Variants in ZDHHC7 observed in about 807,000 individuals in gnomAD.
ZDHHC7 encodes zDHHC palmitoyltransferase 7.
ZDHHC7 carries 12 observed loss-of-function variants against 34.1 expected under a neutral mutation model. The ratio of observed to expected loss-of-function variants is 0.35; its 90% CI spans 0.23 to 0.57. The LOEUF is 0.57. Among genes scored for constraint, ZDHHC7 ranks in the 20% least tolerant of loss-of-function variants. ZDHHC7 has a pLI of 0.84. For synonymous variants in ZDHHC7, 185 were observed against 155.4 expected (o/e 1.19, Z -1.42); for missense variants, 388 against 402.7 (o/e 0.96, Z 0.31).
At chr16:85,026,224 A>C in the ZDHHC7 span, among the ~76,000 whole-genome samples, 1 of 152,208 alleles carries the variant, frequency 6.6e-6, no homozygotes, top group African/African-American at 2.4e-5. Context: ...TGACCCAGGG[A>C]AGGAGTTTAT....
intron 6 of ZDHHC7, among the ~76,000 whole-genome samples, chr16:84,977,721 C>T (rs2072316401): frequency 1.3e-5 from 2 of 152,232 alleles, no homozygotes; most frequent in African/African-American, 2.4e-5. Flanking sequence ...AGCTGACCAG[C>T]AGACAGACAC....
upstream of ZDHHC7, among the ~76,000 whole-genome samples, chr16:85,014,779 G>A (rs909985401): frequency 9.9e-5 from 15 of 152,140 alleles, no homozygotes; most frequent in Non-Finnish European, 2.9e-5. Context: ...CAGCCCCAGG[G>A]GATTCTGAGA....
rs45536337 is a variant in ZDHHC7, at chr16:84,990,217, T to G, written c.315+87A>C. 3.6e-3 allele frequency: 5,288 copies of G among 1,457,734 alleles called. 15 individuals carry two copies. Among genetic ancestry groups the G allele is most frequent in the Non-Finnish European group, 4.6e-3 (4,929 of 1,066,622 alleles). 90.3% of individuals were successfully genotyped at this position (1,457,734 alleles called of 1,614,324 possible). On this transcript the variant is annotated intron_variant, in intron 3 of 7. Transcript: ENST00000313732. The stretch of plus-strand genomic sequence containing the variant: ...CCACACCCATGTCAATATGTCCCTG[T>G]GCACTGCTTCCTCCAAAGGGTCAGC...
Position 84,976,123 on chromosome 16 carries a change from C to T in ZDHHC7, c.*220G>A, listed in dbSNP as rs1210314854. On this transcript the variant is annotated 3_prime_UTR_variant, in exon 8 of 8. Transcript: ENST00000313732. ...AGGAGGCCACGGCGTTTGGCTTCTT[C>T]GTGTGGCCACACACCTTTCCGTTGT... is the stretch of plus-strand genomic sequence containing the variant. 5.1e-6 allele frequency: 3 copies of T among 593,524 alleles called. No homozygotes were observed. The highest frequency in any genetic ancestry group is 5.7e-6 in the Non-Finnish European group (2 of 352,492). 36.8% of individuals were successfully genotyped at this position (593,524 alleles called of 1,614,324 possible).
At chr16:85,007,422 C>CAAAAAAA (rs138373927) in intron 1 of ZDHHC7, among the ~76,000 whole-genome samples, 2 of 85,506 alleles carry the variant, frequency 2.3e-5, no homozygotes, top group Non-Finnish European at 2.4e-5. Context: ...TACTCCATCT[C>CAAAAAAA]AAAAAAAAAA....
rs143906848 is a variant in ZDHHC7, at chr16:84,976,380, G to A, written c.890C>T (p.Thr297Met). 18 of 1,614,126 alleles carry A rather than the reference G, an allele frequency of 1.1e-5. No individual in the cohort carries two copies. The highest frequency in any genetic ancestry group is 2.7e-5 in the African/African-American group (2 of 75,026). Residue 297 changes from threonine (T) to methionine (M), a missense_variant, in exon 8 of 8, where the codon ACG becomes ATG. By Grantham distance (81) the Thr-to-Met change is moderately conservative (BLOSUM62 -1). Coordinates refer to ENST00000313732, the MANE Select transcript of ZDHHC7 (RefSeq NM_017740.3). ...FVGFRFRRLP[T>M]RPRKGGPEFS... ...CTCCGGGCCACCTTTTCTGGGTCTC[G>A]TGGGCAGTCGCCTAAATCGGAAGCC...
intron 3 of ZDHHC7, among the ~76,000 whole-genome samples, chr16:84,985,392 C>T (rs998170479): frequency 1.3e-5 from 2 of 152,250 alleles, no homozygotes; most frequent in African/African-American, 2.4e-5. Flanking sequence ...TCCCCAGGGC[C>T]TAACTAAGCG....
At chr16:85,018,257 G>A in the ZDHHC7 span, among the ~76,000 whole-genome samples, 1 of 152,120 alleles carries the variant, frequency 6.6e-6, no homozygotes, top group Non-Finnish European at 1.5e-5. Context: ...ACACAAAAGA[G>A]TACATGCAAT....
In ZDHHC7 at chr16:84,979,302, G is replaced by T. The variant is rs1271093127; in HGVS notation, c.441-17C>A. 1 of 1,606,654 alleles carries T rather than the reference G, an allele frequency of 6.2e-7. No homozygotes were observed. Among genetic ancestry groups the T allele is most frequent in the East Asian group, 2.2e-5 (1 of 44,686 alleles). ...TTGCAAATACTGAAAAGGAGAGTTT[G>T]ATTTTTCAGTATTCCATGCTCTGAG... is the stretch of plus-strand genomic sequence containing the variant. On this transcript the variant is annotated splice_polypyrimidine_tract_variant and intron_variant, in intron 4 of 7. Transcript: ENST00000313732.
Position 84,974,271 on chromosome 16 carries a change from G to A in ZDHHC7, c.*2072C>T, listed in dbSNP as rs530322904. The A allele has an allele frequency of 6.6e-6, 1 of 152,184 alleles. No individual in the cohort carries two copies. The highest frequency in any genetic ancestry group is 2.4e-5 in the African/African-American group (1 of 41,440). The allele number at this position is 152,184 out of a possible 1,614,324, so 9.4% of individuals were successfully genotyped here. On this transcript the variant is annotated 3_prime_UTR_variant, in exon 8 of 8. Transcript: ENST00000313732. ...CGAATTAAACATTCAACAAGCAACA[G>A]TACTCACTGGGCAACATTTGTGAGT... is the stretch of plus-strand genomic sequence containing the variant.
chr16:85,006,509 T>G (rs1366352165), intron 1 of ZDHHC7, among the ~76,000 whole-genome samples: 2 of 150,458 alleles, frequency 1.3e-5, no homozygotes, highest in Non-Finnish European at 3.0e-5. Flanking sequence ...ATCTCAGGAG[T>G]TCAAGACCAG....
chr16:85,027,223 T>C, the ZDHHC7 span, among the ~76,000 whole-genome samples: 1 of 152,200 alleles, frequency 6.6e-6, no homozygotes, highest in Admixed American at 6.5e-5. Flanking sequence ...AGCCGGACAT[T>C]TTTCTTTTTT....
chr16:84,985,108 G>GCTAT (rs1208276587), intron 3 of ZDHHC7, among the ~76,000 whole-genome samples: 1 of 152,162 alleles, frequency 6.6e-6, no homozygotes, highest in African/African-American at 2.4e-5. Flanking sequence ...ACTGACCATA[G>GCTAT]GCTCCAGGCC....
At chr16:85,023,065 C>T in the ZDHHC7 span, among the ~76,000 whole-genome samples, 2 of 152,276 alleles carry the variant, frequency 1.3e-5, no homozygotes, top group African/African-American at 4.8e-5. Flanking sequence ...ACAATTCTCC[C>T]CTAGAGCCTC....
At chr16:84,979,726 T>C (rs767093596) in intron 4 of ZDHHC7, among the ~76,000 whole-genome samples, 4 of 152,156 alleles carry the variant, frequency 2.6e-5, no homozygotes, top group African/African-American at 7.2e-5. Context: ...GCAGTATGGA[T>C]TGCATATTCA....
chr16:85,006,732 C>CTT (rs77738082), intron 1 of ZDHHC7, among the ~76,000 whole-genome samples: 3 of 151,898 alleles, frequency 2.0e-5, no homozygotes, highest in Non-Finnish European at 4.4e-5. Flanking sequence ...AGAATAACAC[C>CTT]GTCTCAAAAA....
At chr16:85,026,562 C>T in the ZDHHC7 span, among the ~76,000 whole-genome samples, 2 of 151,424 alleles carry the variant, frequency 1.3e-5, no homozygotes, top group Admixed American at 1.3e-4. Context: ...CTTAAACTTT[C>T]CCAAGGAGTC....
chr16:85,013,127 C>G (rs1416006314), upstream of ZDHHC7, among the ~76,000 whole-genome samples: 22 of 150,304 alleles, frequency 1.5e-4, no homozygotes, highest in Non-Finnish European at 1.0e-4. Context: ...GCAAACAAAC[C>G]TTACTCTATT....
the ZDHHC7 span, among the ~76,000 whole-genome samples, chr16:85,023,250 T>G: frequency 3.3e-5 from 5 of 150,430 alleles, no homozygotes; most frequent in Admixed American, 6.6e-5. Flanking sequence ...TACTGCAACC[T>G]CTGCCTCCCA....
Sources: gnomAD v4.1 joint callset for allele counts (sites outside exome capture counted in the v4.1 genomes callset) on GRCh38, gnomAD v4.1.1 for gene constraint, MANE v1.5 for transcripts, NCBI Gene and HGNC (gene_info 2026-07-23, HGNC 2026-07-21) for gene names.